Variants in GFPT1 observed in about 807,000 individuals in gnomAD.
The protein encoded by GFPT1 is glutamine--fructose-6-phosphate transaminase 1.
A neutral mutation model predicts 92.0 loss-of-function variants in GFPT1; 40 were observed. The observed-to-expected ratio is 0.43, with a 90% CI of 0.34 to 0.57. The LOEUF (loss-of-function observed/expected upper bound fraction) is 0.57. Ranked by LOEUF, GFPT1 falls within the 20% of genes least tolerant of loss-of-function variation. GFPT1 has a pLI of 0.02. For missense variants in GFPT1, 448 were observed against 869.1 expected (o/e 0.52, Z 6.09); for synonymous variants, 269 against 280.6 (o/e 0.96, Z 0.41).
chr2:69,360,697 T>C (rs1671451552), intron 4 of GFPT1, among the ~76,000 whole-genome samples: 3 of 152,142 alleles, frequency 2.0e-5, no homozygotes, highest in African/African-American at 7.2e-5. Context: ...TTCCAGTGTC[T>C]TGAGATTACA....
intron 1 of GFPT1, among the ~76,000 whole-genome samples, chr2:69,382,725 G>A (rs947006951): frequency 2.6e-5 from 4 of 152,086 alleles, no homozygotes; most frequent in South Asian, 2.1e-4. Flanking sequence ...ATTCACTGAC[G>A]GTTAACATAT....
chr2:69,337,996 C>T lies in GFPT1; in HGVS notation c.1384G>A (p.Val462Met). The T allele has an allele frequency of 6.2e-7, 1 of 1,613,956 alleles. No individual in the cohort carries two copies. The highest frequency in any genetic ancestry group is 8.5e-7 in the Non-Finnish European group (1 of 1,179,838). ...RYCKERGALT[V>M]GITNTVGSSI... ...CTGCCAACTGTGTTTGTGATCCCCA[C>T]AGTTAAAGCTCCTCTCTCCTTACAG... Residue 462 changes from valine (V) to methionine (M), a missense_variant, in exon 15 of 20, where the codon GTG becomes ATG. Val to Met is a conservative substitution (Grantham distance 21, BLOSUM62 1). This residue lies in a region of GFPT1 where 121 missense variants were observed against 304.3 expected (regional missense o/e 0.40). Transcript: ENST00000357308.
intron 1 of GFPT1, among the ~76,000 whole-genome samples, chr2:69,377,460 C>T (rs1033509961): frequency 2.7e-5 from 4 of 147,784 alleles, no homozygotes; most frequent in Non-Finnish European, 5.9e-5. Flanking sequence ...ACCAGCCTAA[C>T]CAACATGGTG....
chr2:69,385,064 C>T (rs1672101700), intron 1 of GFPT1, among the ~76,000 whole-genome samples: 1 of 152,106 alleles, frequency 6.6e-6, no homozygotes. Context: ...TCAGAAATGC[C>T]TCAAATATTC....
Position 69,350,100 on chromosome 2 carries a change from A to G in GFPT1, c.823T>C (p.Tyr275His). ...LFPVEEKAVE[Y>H]YFASDASAVI... ...CACCTTGCATCAGAAGCAAAGTAAT[A>G]CTCCACTGCTTTTTCTTCCACCGGG... Residue 275 changes from tyrosine (Y) to histidine (H), a missense_variant, in exon 10 of 20, where the codon TAT becomes CAT. Tyr to His is a moderately conservative substitution (Grantham distance 83). This residue lies in a region of GFPT1 where 121 missense variants were observed against 304.3 expected (regional missense o/e 0.40). Coordinates refer to ENST00000357308, the MANE Select transcript of GFPT1 (RefSeq NM_001244710.2). The G allele has an allele frequency of 6.2e-7, 1 of 1,612,652 alleles. No individual in the cohort carries two copies. Among genetic ancestry groups the G allele is most frequent in the Non-Finnish European group, 8.5e-7 (1 of 1,178,758 alleles).
At chr2:69,380,745 A>G (rs1477460109) in intron 1 of GFPT1, among the ~76,000 whole-genome samples, 2 of 152,134 alleles carry the variant, frequency 1.3e-5, no homozygotes, top group Admixed American at 6.5e-5. Context: ...CTAGTCTCTG[A>G]GCATCTCTAC....
intron 1 of GFPT1, among the ~76,000 whole-genome samples, chr2:69,380,084 T>C (rs1026146211): frequency 6.6e-6 from 1 of 151,782 alleles, no homozygotes; most frequent in African/African-American, 2.4e-5. Flanking sequence ...ACGCCTGTAA[T>C]CCCAGCAATT....
intron 3 of GFPT1, among the ~76,000 whole-genome samples, chr2:69,365,972 C>T (rs1361194921): frequency 6.6e-6 from 1 of 152,126 alleles, no homozygotes; most frequent in Non-Finnish European, 1.5e-5. Flanking sequence ...ACCACCACGC[C>T]TGGCTAATTT....
At chr2:69,360,025 G>A (rs1440951043) in intron 4 of GFPT1, among the ~76,000 whole-genome samples, 1 of 152,048 alleles carries the variant, frequency 6.6e-6, no homozygotes, top group African/African-American at 2.4e-5. Context: ...GCGACTGCTG[G>A]TACATAAAAA....
chr2:69,337,833 C>G, intron 15 of GFPT1, 65 bp downstream of exon 15: 1 of 1,252,922 alleles, frequency 8.0e-7, no homozygotes, highest in East Asian at 2.3e-5. Context: ...GACTAGTCTA[C>G]AGACTAGTCT....
chr2:69,366,706 AT>A (rs1281701587), intron 3 of GFPT1, among the ~76,000 whole-genome samples: 1 of 152,048 alleles, frequency 6.6e-6, no homozygotes, highest in Non-Finnish European at 1.5e-5. Context: ...TCACCTGGTA[AT>A]TATCTGCTTT....
intron 9 of GFPT1, among the ~76,000 whole-genome samples, 195 bp downstream of exon 9, chr2:69,354,064 G>T (rs1280777219): frequency 6.6e-6 from 1 of 152,116 alleles, no homozygotes; most frequent in African/African-American, 2.4e-5. Flanking sequence ...ATTATTAAAA[G>T]CACTTTCTAA....
rs1017045694 is a variant in GFPT1, at chr2:69,325,857, A to C, written c.*332T>G. On this transcript the variant is annotated 3_prime_UTR_variant, in exon 20 of 20. Transcript: ENST00000357308. The stretch of plus-strand genomic sequence containing the variant: ...AATGAAGTATGGTGAAACAAGTACC[A>C]ATTTTTAGAAACATATTGTCTTCTC... 4.1e-6 allele frequency: 1 copy of C among 244,474 alleles called. No individual in the cohort carries two copies. The highest frequency in any genetic ancestry group is 2.3e-5 in the African/African-American group (1 of 43,698). 15.1% of individuals were successfully genotyped at this position (244,474 alleles called of 1,614,324 possible).
chr2:69,381,235 G>A (rs1672000691), intron 1 of GFPT1, among the ~76,000 whole-genome samples: 1 of 152,054 alleles, frequency 6.6e-6, no homozygotes, highest in Non-Finnish European at 1.5e-5. Context: ...TGCCCGCCTC[G>A]GCCTCCCAAA....
At chr2:69,356,127 G>A (rs1671331906) in intron 7 of GFPT1, among the ~76,000 whole-genome samples, 1 of 151,702 alleles carries the variant, frequency 6.6e-6, no homozygotes, top group South Asian at 2.1e-4. Context: ...CCGAGTAGCT[G>A]GGATTACAGG....
chr2:69,378,470 A>C (rs925086853), intron 1 of GFPT1, among the ~76,000 whole-genome samples: 1 of 152,214 alleles, frequency 6.6e-6, no homozygotes, highest in African/African-American at 2.4e-5. Flanking sequence ...CTTTCTTACT[A>C]ATGGAATATA....
At chr2:69,340,392 T>C (rs1158584025) in intron 13 of GFPT1, among the ~76,000 whole-genome samples, 1 of 152,132 alleles carries the variant, frequency 6.6e-6, no homozygotes, top group Non-Finnish European at 1.5e-5. Flanking sequence ...CTTAATGCTA[T>C]AAATTCCACT....
At chr2:69,330,077 G>A (rs1212921175) in intron 15 of GFPT1, among the ~76,000 whole-genome samples, 1 of 152,074 alleles carries the variant, frequency 6.6e-6, no homozygotes, top group African/African-American at 2.4e-5. Flanking sequence ...AATTAGCTGG[G>A]TGTGGTGGTG....
At chr2:69,338,388 C>T (rs1670855321) in intron 14 of GFPT1, 57 bp downstream of exon 14, 1 of 1,469,160 alleles carries the variant, frequency 6.8e-7, no homozygotes. Flanking sequence ...CCAAGATATG[C>T]TAGAATTATT....
Sources: allele counts gnomAD v4.1 joint callset (sites outside exome capture counted in the v4.1 genomes callset), GRCh38; gene constraint gnomAD v4.1.1; regional missense constraint gnomAD v4.1.1; transcripts MANE v1.5; gene names NCBI Gene and HGNC (gene_info 2026-07-23, HGNC 2026-07-21).